Variants in SOS2 observed in about 807,000 individuals in gnomAD.
The protein encoded by SOS2 is SOS Ras/Rho guanine nucleotide exchange factor 2, also known as son of sevenless homolog 2.
A neutral mutation model predicts 148.2 loss-of-function variants in SOS2; 65 were observed. That is an observed-to-expected ratio of 0.44 (90% CI 0.36 to 0.54). The LOEUF (loss-of-function observed/expected upper bound fraction) is 0.54. Among genes scored for constraint, SOS2 ranks in the 20% least tolerant of loss-of-function variants. SOS2 has a pLI of 0.00. For missense variants in SOS2, 1,341 were observed against 1,590.2 expected, an observed-to-expected ratio of 0.84 and a Z score of 2.67; for synonymous variants, 539 against 537.1, an observed-to-expected ratio of 1.00 and a Z score of -0.05.
At chr14:50,145,042 TATC>T in intron 16 of SOS2, 125 bp downstream of exon 16, 1 of 421,252 alleles carries the variant, frequency 2.4e-6, no homozygotes, top group Non-Finnish European at 4.2e-6. Context: ...AATATATTTA[TATC>T]ATATTTATGA....
intron 4 of SOS2, among the ~76,000 whole-genome samples, chr14:50,194,089 A>T (rs1345498788): frequency 6.6e-6 from 1 of 152,194 alleles, no homozygotes; most frequent in East Asian, 1.9e-4. Context: ...CTCTTGTGAC[A>T]AATAGGGGAT....
chr14:50,230,612 G>A (rs1752238095), intron 1 of SOS2, among the ~76,000 whole-genome samples: 1 of 152,150 alleles, frequency 6.6e-6, no homozygotes, highest in Non-Finnish European at 1.5e-5. Flanking sequence ...AATTTTCTAA[G>A]GGTAATCTCT....
Position 50,197,987 on chromosome 14 carries a change from C to A in SOS2, c.510+1704G>T, listed in dbSNP as rs141470617. ...TTACGGGCGTGATCCACCACCTGGC[C>A]TGCTTTGCCATCTTTTTTTTTTTTT... On this transcript the variant is annotated intron_variant, in intron 4 of 22. Coordinates refer to ENST00000216373, the MANE Select transcript of SOS2 (RefSeq NM_006939.4). Among the ~76,000 whole-genome samples the A allele has an allele frequency of 6.1e-5, 9 of 147,568 alleles. No homozygotes were observed. In the East Asian group the frequency reaches 1.8e-3, roughly 30 times the overall value.
intron 1 of SOS2, among the ~76,000 whole-genome samples, chr14:50,226,053 T>G (rs1254512278): frequency 6.6e-6 from 1 of 151,592 alleles, no homozygotes; most frequent in Non-Finnish European, 1.5e-5. Flanking sequence ...ATCTTTCAGA[T>G]AATTGTTTAC....
intron 4 of SOS2, among the ~76,000 whole-genome samples, chr14:50,192,699 A>C (rs1295545530): frequency 6.6e-6 from 1 of 152,082 alleles, no homozygotes; most frequent in Non-Finnish European, 1.5e-5. Flanking sequence ...CCCTGTCTTT[A>C]CTAAAAATAC....
chr14:50,191,693 G>A (rs1421996563), intron 4 of SOS2, among the ~76,000 whole-genome samples: 2 of 152,092 alleles, frequency 1.3e-5, no homozygotes, highest in Non-Finnish European at 2.9e-5. Flanking sequence ...AAGAAACAGT[G>A]GGGATTATGG....
Position 50,130,610 on chromosome 14 carries a change from C to T in SOS2, c.3228G>A (p.Leu1076=). The stretch of plus-strand genomic sequence containing the variant: ...AGGTTGGTGCTGACACTGTTGATTC[C>T]AGCTCAGTTTCAGCAATCCGACTAA... ...ISFSRIAETE[L]ESTVSAPTSP... Residue 1076 remains leucine (L), a synonymous_variant, in exon 20 of 23, where the codon CTG becomes CTA. Transcript: ENST00000216373. 3 of 1,614,022 alleles carry T rather than the reference C, an allele frequency of 1.9e-6. No homozygotes were observed. Among genetic ancestry groups the T allele is most frequent in the Non-Finnish European group, 2.5e-6 (3 of 1,179,978 alleles).
chr14:50,200,759 CA>C (rs1732864220), intron 3 of SOS2, among the ~76,000 whole-genome samples, 193 bp downstream of exon 3: 1 of 151,562 alleles, frequency 6.6e-6, no homozygotes, highest in Admixed American at 6.6e-5. Flanking sequence ...GTTTGAAAAG[CA>C]ATCCAATTTC....
chr14:50,128,928 A>T (rs1883775396), intron 21 of SOS2, among the ~76,000 whole-genome samples: 2 of 152,082 alleles, frequency 1.3e-5, no homozygotes, highest in Admixed American at 1.3e-4. Flanking sequence ...CCAGATAAAA[A>T]TTTTTTAACC....
intron 1 of SOS2, among the ~76,000 whole-genome samples, chr14:50,226,755 T>C (rs1054754101): frequency 6.6e-6 from 1 of 152,194 alleles, no homozygotes; most frequent in African/African-American, 2.4e-5. Flanking sequence ...AAAAACACCT[T>C]ACAGAAAAGA....
rs1887515756 is a variant in SOS2, at chr14:50,230,795, T to C, written c.87+402A>G. The C allele has an allele frequency of 1.9e-5, 12 of 647,270 alleles. No individual in the cohort carries two copies. The South Asian group carries it at 4.8e-4, about 26-fold the overall frequency. The allele number at this position is 647,270 out of a possible 1,614,324, so 40.1% of individuals were successfully genotyped here. ...GGATACCCTTGACAAGCAAACCGCC[T>C]AGGGGGAACACTCCCAAAGAACTTA... On this transcript the variant is annotated intron_variant, in intron 1 of 22. Coordinates refer to ENST00000216373, the MANE Select transcript of SOS2 (RefSeq NM_006939.4).
chr14:50,214,184 A>G (rs1886972930), intron 1 of SOS2, among the ~76,000 whole-genome samples: 1 of 152,116 alleles, frequency 6.6e-6, no homozygotes. Context: ...ACTAATTGAT[A>G]AAGAAAAATA....
At chr14:50,216,602 T>A (rs577259912) in intron 1 of SOS2, among the ~76,000 whole-genome samples, 2 of 151,490 alleles carry the variant, frequency 1.3e-5, no homozygotes, top group East Asian at 2.0e-4. Flanking sequence ...GTACTAAAAG[T>A]ACAAAAATTA....
At chr14:50,131,847 A>G (rs1030475027) in intron 19 of SOS2, among the ~76,000 whole-genome samples, 2 of 152,216 alleles carry the variant, frequency 1.3e-5, no homozygotes, top group African/African-American at 4.8e-5. Flanking sequence ...GATCATCAAC[A>G]TCAATTTCTG....
At chr14:50,222,714 GAACA>G (rs1887237349) in intron 1 of SOS2, among the ~76,000 whole-genome samples, 1 of 152,206 alleles carries the variant, frequency 6.6e-6, no homozygotes, top group African/African-American at 2.4e-5. Context: ...GGCAGAAGCA[GAACA>G]AACAAGGGAC....
intron 1 of SOS2, among the ~76,000 whole-genome samples, chr14:50,204,896 T>C (rs1005846479): frequency 2.3e-4 from 7 of 31,084 alleles, no homozygotes; most frequent in African/African-American, 5.2e-4. Flanking sequence ...TTTTCTTTTT[T>C]TTTCTTTCTT....
chr14:50,227,243 C>CTTT (rs374477701), intron 1 of SOS2, among the ~76,000 whole-genome samples: 15,356 of 112,010 alleles, frequency 0.14, 1,877 homozygotes, highest in East Asian at 0.41. Context: ...TTCTTTCTTT[C>CTTT]TTTCTTTTTT....
intron 1 of SOS2, among the ~76,000 whole-genome samples, chr14:50,214,938 C>T (rs1262569873): frequency 6.6e-6 from 1 of 151,624 alleles, no homozygotes; most frequent in African/African-American, 2.4e-5. Flanking sequence ...CGGGTTCACG[C>T]CATTCTCCTG....
intron 1 of SOS2, among the ~76,000 whole-genome samples, chr14:50,214,273 C>A (rs1595030668): frequency 6.6e-6 from 1 of 151,314 alleles, no homozygotes; most frequent in East Asian, 1.9e-4. Context: ...TCCAAAAAGT[C>A]TAGCAGTAAG....
Sources: gnomAD v4.1 joint callset for allele counts (sites outside exome capture counted in the v4.1 genomes callset) on GRCh38, gnomAD v4.1.1 for gene constraint, MANE v1.5 for transcripts, NCBI Gene and HGNC (gene_info 2026-07-23, HGNC 2026-07-21) for gene names.